The following BSG variants were observed in gnomAD, a reference collection of about 807,000 sequenced individuals.
The protein encoded by BSG is basigin (Ok blood group).
In BSG, 37 loss-of-function variants were observed where a neutral mutation model predicts 43.1. That is an observed-to-expected ratio of 0.86 (90% confidence interval 0.66 to 1.13). The LOEUF is 1.13. Ranked by LOEUF, BSG falls within the 50% of genes most tolerant of loss-of-function variation. The pLI is 0.00. For missense variants in BSG, 599 were observed against 554.2 expected, an observed-to-expected ratio of 1.08 and a Z score of -0.81; for synonymous variants, 309 against 238.7, an observed-to-expected ratio of 1.29 and a Z score of -2.72.
intron 1 of BSG, chr19:575,282 G>C (rs1981665097): frequency 3.9e-5 from 6 of 152,406 alleles, no homozygotes; most frequent in Admixed American, 3.9e-4. Context: ...CTTGGCCCGT[G>C]TGGGGTGGAC....
At chr19:575,548 G>C (rs889081426) in intron 1 of BSG, among the ~76,000 whole-genome samples, 2 of 149,216 alleles carry the variant, frequency 1.3e-5, no homozygotes, top group African/African-American at 2.5e-5. Context: ...GGGTGGGGGA[G>C]GTGCCCGAGG....
chr19:575,543 G>C (rs1469041245), intron 1 of BSG, among the ~76,000 whole-genome samples: 1 of 150,224 alleles, frequency 6.7e-6, no homozygotes, highest in Non-Finnish European at 1.5e-5. Context: ...GGGGTGGGTG[G>C]GGGAGGTGCC....
upstream of BSG, chr19:571,562 C>G (rs1393777936): frequency 2.6e-6 from 2 of 779,602 alleles, no homozygotes; most frequent in East Asian, 2.4e-5. Context: ...AGCAGTCGGA[C>G]GCGTCTCCCC....
intron 1 of BSG, among the ~76,000 whole-genome samples, chr19:576,915 G>A (rs1043285787): frequency 1.3e-5 from 2 of 152,000 alleles, no homozygotes; most frequent in Admixed American, 6.5e-5. Context: ...CCGTGTGCAC[G>A]CATATGCACG....
chr19:579,132 G>A (rs770023779), intron 2 of BSG: 1 of 472,106 alleles, frequency 2.1e-6, no homozygotes, highest in Non-Finnish European at 4.2e-6. Context: ...GGACGTGGGT[G>A]GGTGCCTTGT....
chr19:582,708 C>A (rs368649901), intron 8 of BSG, 42 bp from the exon 9 acceptor site: 1 of 1,072,294 alleles, frequency 9.3e-7, no homozygotes. Context: ...CTGTGGGTCG[C>A]TGGGAGGTGG....
In BSG at chr19:583,136, T is replaced by C. The variant is rs952119930; in HGVS notation, c.*392T>C. On this transcript the variant is annotated 3_prime_UTR_variant, in exon 9 of 9. Coordinates refer to ENST00000333511, the MANE Select transcript of BSG (RefSeq NM_001728.4). ...TCCTGCCTGTCTGAAGCCAATGCTG[T>C]CTGGTTGCGCCATTTTTGTGCTTTT... is the stretch of plus-strand genomic sequence containing the variant. 1.9e-5 allele frequency: 3 copies of C among 156,130 alleles called. No homozygotes were observed. The highest frequency in any genetic ancestry group is 7.2e-5 in the African/African-American group (3 of 41,500). 9.7% of individuals were successfully genotyped at this position (156,130 alleles called of 1,614,324 possible). A position where few individuals can be genotyped will look rare whatever the true frequency, so the allele number is the denominator to read the frequency against.
intron 1 of BSG, 127 bp downstream of exon 1, chr19:572,828 C>G (rs947910346): frequency 1.8e-6 from 2 of 1,119,496 alleles, no homozygotes; most frequent in Non-Finnish European, 2.3e-6. Context: ...GAAAGGCCGG[C>G]CCCGGGGGCT....
intron 1 of BSG, among the ~76,000 whole-genome samples, chr19:573,532 C>T (rs1333899578): frequency 1.3e-5 from 2 of 152,200 alleles, no homozygotes; most frequent in Non-Finnish European, 2.9e-5. Flanking sequence ...CCCGGGTGTT[C>T]TCCCAGACTC....
chr19:581,953 C>T (rs958436387), intron 6 of BSG, among the ~76,000 whole-genome samples: 2 of 152,278 alleles, frequency 1.3e-5, no homozygotes, highest in African/African-American at 4.8e-5. Flanking sequence ...CCGGCAGCCC[C>T]TGCCTGCCTC....
chr19:580,372 G>A lies in BSG; in HGVS notation c.573-7G>A. ...GTACGCGGCTCACCTGCCTGCTGTG[G>A]TTGCAGGGTGGACTCCGACGACCAG... On this transcript the variant is annotated splice_polypyrimidine_tract_variant and splice_region_variant and intron_variant, in intron 3 of 8. Coordinates refer to ENST00000333511, the MANE Select transcript of BSG (RefSeq NM_001728.4). 2.5e-6 allele frequency: 4 copies of A among 1,610,150 alleles called. No individual in the cohort carries two copies. The highest frequency in any genetic ancestry group is 3.4e-6 in the Non-Finnish European group (4 of 1,179,630).
intron 2 of BSG, chr19:578,829 C>A: frequency 2.8e-6 from 1 of 353,520 alleles, no homozygotes. Flanking sequence ...CTCCCGGGTT[C>A]AAGCGATTCT....
rs769197832 is a variant in BSG, at chr19:579,581, T to C, written c.497T>C (p.Val166Ala). The change falls in exon 3 of 9, where the codon GTC (valine) becomes GCC (alanine). Residue 166 changes from valine to alanine, a missense_variant. Transcript: ENST00000333511. ...TCSLNDSATE[V>A]TGHRWLKGGV... is the part of the protein sequence containing the mutation. ...TCCTTGAATGACAGCGCCACAGAGG[T>C]CACAGGGCACCGCTGGCTGAAGGGG... 2 of 1,612,532 alleles carry C rather than the reference T, an allele frequency of 1.2e-6. No individual in the cohort carries two copies.
chr19:574,366 A>G (rs1323240605), intron 1 of BSG, among the ~76,000 whole-genome samples: 2 of 152,154 alleles, frequency 1.3e-5, no homozygotes, highest in African/African-American at 4.8e-5. Context: ...ATCGTGGCTA[A>G]CACGGTGAAA....
chr19:571,795 G>C, upstream of BSG: 1 of 586,376 alleles, frequency 1.7e-6, no homozygotes, highest in Non-Finnish European at 3.1e-6. Flanking sequence ...TGTTGGCTGG[G>C]GTTGGACGCC....
In BSG at chr19:581,661, C is replaced by T. The variant is rs1184936798; in HGVS notation, c.1069+70C>T. On this transcript the variant is annotated intron_variant, in intron 6 of 8. Transcript: ENST00000333511. Reference sequence around the variant, plus strand: ...GCCCAGGGCCACTCCTGGTCCGTCCCTGCCAGCCCCACCGCTGACCCAGAG... The same window carrying T: ...GCCCAGGGCCACTCCTGGTCCGTCCTTGCCAGCCCCACCGCTGACCCAGAG... 10 of 1,475,560 alleles carry T rather than the reference C, an allele frequency of 6.8e-6. No individual in the cohort carries two copies. The East Asian group carries it at 7.4e-5, about 11-fold the overall frequency. 91.4% of individuals were successfully genotyped at this position (1,475,560 alleles called of 1,614,324 possible). A position where few individuals can be genotyped will look rare whatever the true frequency, so the allele number is the denominator to read the frequency against.
intron 2 of BSG, chr19:579,197 G>A: frequency 1.9e-6 from 1 of 523,580 alleles, no homozygotes; most frequent in South Asian, 1.5e-5. Context: ...AACATCGCCA[G>A]GCGGGGCCTC....
rs898272348 is a variant in BSG, at chr19:577,815, G to C, written c.109G>C (p.Gly37Arg). 40 of 1,465,788 alleles carry C rather than the reference G, an allele frequency of 2.7e-5. No homozygotes were observed. The highest frequency in any genetic ancestry group is 3.5e-5 in the Non-Finnish European group (39 of 1,100,938). 90.8% of individuals were successfully genotyped at this position (1,465,788 alleles called of 1,614,324 possible). ...GCCGCTGTCCCAGCAGAGGTGGGTG[G>C]GGGGCAGTGTGGAGCTGCACTGCGA... ...QAPLSQQRWVGGSVELHCEAV... is the reference protein window; with the variant it reads ...QAPLSQQRWVRGSVELHCEAV... Residue 37 changes from glycine to arginine, a missense_variant, in exon 2 of 9, where the codon GGG becomes CGG. Physicochemically the swap from Gly to Arg is moderately radical, Grantham distance 125 (BLOSUM62 -2). Transcript: ENST00000333511.
chr19:577,877 G>C lies in BSG; in HGVS notation c.171G>C (p.Trp57Cys). The C allele has an allele frequency of 6.3e-7, 1 of 1,575,664 alleles. No individual in the cohort carries two copies. The highest frequency in any genetic ancestry group is 8.7e-7 in the Non-Finnish European group (1 of 1,155,938). Residue 57 changes from tryptophan (W) to cysteine (C), a missense_variant, in exon 2 of 9, where the codon TGG becomes TGC. Physicochemically the swap from Trp to Cys is radical, Grantham distance 215. Coordinates refer to ENST00000333511, the MANE Select transcript of BSG (RefSeq NM_001728.4). The part of the protein sequence containing the change: ...VGSPVPEIQW[W>C]FEGQGPNDTC... ...GCCCGGTGCCCGAGATCCAGTGGTG[G>C]TTTGAAGGGCAGGGTCCCAACGACA...
Sources: gnomAD v4.1 joint callset for allele counts (sites outside exome capture counted in the v4.1 genomes callset) on GRCh38, gnomAD v4.1.1 for gene constraint, MANE v1.5 for transcripts, NCBI Gene and HGNC (gene_info 2026-07-23, HGNC 2026-07-21) for gene names.